SIPA1L3: variants seen among roughly 807,000 people sequenced by gnomAD.
The protein encoded by SIPA1L3 is signal-induced proliferation-associated 1-like protein 3.
In SIPA1L3, 59 loss-of-function variants were observed where a neutral mutation model predicts 150.1. The observed-to-expected ratio is 0.39, with a 90% confidence interval of 0.32 to 0.49. The LOEUF is 0.49. SIPA1L3 is among the 20% of genes least tolerant of loss of function. The probability of loss-of-function intolerance (pLI) is 0.86; values close to 1 mark genes in which losing one functional copy is unlikely to be tolerated. For synonymous variants in SIPA1L3, 1,070 were observed against 1,077.6 expected, an observed-to-expected ratio of 0.99 and a Z score of 0.14; for missense variants, 2,211 against 2,489.5, an observed-to-expected ratio of 0.89 and a Z score of 2.38.
intron 2 of SIPA1L3, among the ~76,000 whole-genome samples, chr19:38,080,369 T>C (rs934712103): frequency 2.0e-5 from 3 of 152,098 alleles, no homozygotes; most frequent in Non-Finnish European, 4.4e-5. Flanking sequence ...ATCCTGAAAG[T>C]GGGGAAATCC....
chr19:38,081,754 C>A lies in SIPA1L3; in HGVS notation c.189C>A (p.Ala63=). 6.2e-7 allele frequency: 1 copy of A among 1,603,608 alleles called. No individual in the cohort carries two copies. ...SPATATATAT[A]TTRPSPTTPA... ...CCACCGCCACCGCCACCGCCACCGC[C>A]ACCACCCGCCCCAGCCCCACCACTC... Residue 63 remains alanine (A), a synonymous_variant, in exon 3 of 22, where the codon GCC becomes GCA. Coordinates refer to ENST00000222345, the MANE Select transcript of SIPA1L3 (RefSeq NM_015073.3).
At chr19:38,155,365 C>A (rs765356064) in intron 13 of SIPA1L3, among the ~76,000 whole-genome samples, 2 of 152,188 alleles carry the variant, frequency 1.3e-5, no homozygotes, top group African/African-American at 2.4e-5. Flanking sequence ...CGCGAGCCAC[C>A]GCACCCGGCT....
intron 2 of SIPA1L3, among the ~76,000 whole-genome samples, chr19:38,052,247 C>T (rs1312414707): frequency 1.3e-5 from 2 of 152,142 alleles, no homozygotes; most frequent in Non-Finnish European, 2.9e-5. Context: ...GTTGGGAAAA[C>T]AGAATCCACT....
At chr19:37,969,915 T>C (rs1331897410) in intron 1 of SIPA1L3, among the ~76,000 whole-genome samples, 1 of 152,222 alleles carries the variant, frequency 6.6e-6, no homozygotes, top group African/African-American at 2.4e-5. Flanking sequence ...ACGTTATGTT[T>C]GTCTTTACAT....
rs1333762281 is a variant in SIPA1L3, at chr19:38,110,309, A to G, written c.2216A>G (p.Asn739Ser). ...GGCGCGCTACCGTTCACCCCCAAGA[A>G]CATCCGCTCCCACTTCCAGCACGTC... ...EPGALPFTPK[N>S]IRSHFQHVFI... The change falls in exon 8 of 22, where the codon AAC becomes AGC. Residue 739 changes from asparagine to serine, a missense_variant. By Grantham distance (46) the Asn-to-Ser change is conservative. This residue lies in a region of SIPA1L3 where 625 missense variants were observed against 804.2 expected (regional missense o/e 0.78). Transcript: ENST00000222345. 1.2e-6 allele frequency: 2 copies of G among 1,614,068 alleles called. No homozygotes were observed. Among genetic ancestry groups the G allele is most frequent in the Admixed American group, 3.3e-5 (2 of 60,006 alleles).
At chr19:38,101,650 A>T (rs939864883) in intron 6 of SIPA1L3, among the ~76,000 whole-genome samples, 1 of 152,134 alleles carries the variant, frequency 6.6e-6, no homozygotes, top group Admixed American at 6.6e-5. Context: ...ACCTCAAGTG[A>T]TCCACCCACC....
intron 9 of SIPA1L3, among the ~76,000 whole-genome samples, chr19:38,123,615 A>G (rs1424980153): frequency 6.6e-6 from 1 of 151,480 alleles, no homozygotes; most frequent in Non-Finnish European, 1.5e-5. Context: ...CCAAGGCCGA[A>G]GAATTTTTCT....
intron 1 of SIPA1L3, among the ~76,000 whole-genome samples, chr19:38,007,336 C>A (rs761192239): frequency 6.6e-6 from 1 of 151,752 alleles, no homozygotes; most frequent in Non-Finnish European, 1.5e-5. Context: ...ACCTGTAATC[C>A]CAGCTACTCT....
intron 3 of SIPA1L3, among the ~76,000 whole-genome samples, chr19:38,085,435 G>A (rs573728549): frequency 4.7e-5 from 7 of 147,760 alleles, no homozygotes; most frequent in Admixed American, 3.4e-4. Context: ...AGCCGAGATC[G>A]CGCCACTGCG....
At chr19:37,987,128 A>G (rs1459638246) in intron 1 of SIPA1L3, among the ~76,000 whole-genome samples, 1 of 151,944 alleles carries the variant, frequency 6.6e-6, no homozygotes, top group Non-Finnish European at 1.5e-5. Flanking sequence ...GGGTTTCACC[A>G]TGTTGGCCAG....
chr19:38,089,699 T>C (rs1970219431), intron 4 of SIPA1L3, among the ~76,000 whole-genome samples: 1 of 152,256 alleles, frequency 6.6e-6, no homozygotes, highest in Admixed American at 6.5e-5. Context: ...CTGGATTAAA[T>C]GTCAACTGTA....
chr19:37,993,853 G>T (rs763767302), intron 1 of SIPA1L3, among the ~76,000 whole-genome samples: 2 of 152,152 alleles, frequency 1.3e-5, no homozygotes, highest in Non-Finnish European at 2.9e-5. Context: ...TTTAATAGCT[G>T]TACTTTTATT....
intron 10 of SIPA1L3, among the ~76,000 whole-genome samples, chr19:38,135,090 C>T (rs930210465): frequency 3.3e-5 from 5 of 152,162 alleles, no homozygotes; most frequent in Non-Finnish European, 5.9e-5. Flanking sequence ...AGCAGCAAAG[C>T]AAAATTCAAA....
chr19:37,995,208 A>T (rs989415268), intron 1 of SIPA1L3, among the ~76,000 whole-genome samples: 46 of 152,278 alleles, frequency 3.0e-4, no homozygotes, highest in Middle Eastern at 3.4e-3. Context: ...GCTGCAAGGG[A>T]GGCTGGGGCA....
chr19:38,123,999 C>A (rs1281236425), intron 9 of SIPA1L3, among the ~76,000 whole-genome samples: 2 of 139,426 alleles, frequency 1.4e-5, no homozygotes, highest in African/African-American at 5.4e-5. Context: ...CCCTCCCGGA[C>A]GGGGCGGATG....
chr19:38,134,444 C>T (rs1269338068), intron 10 of SIPA1L3, among the ~76,000 whole-genome samples: 3 of 139,856 alleles, frequency 2.1e-5, no homozygotes, highest in Admixed American at 1.5e-4. Flanking sequence ...CTTGGTGGCT[C>T]ATGCCTGTAA....
At chr19:38,195,802 G>GCCCCCCCCCC (rs976090881) in intron 18 of SIPA1L3, among the ~76,000 whole-genome samples, 8 of 20,246 alleles carry the variant, frequency 4.0e-4, no homozygotes, top group Non-Finnish European at 5.1e-4. Context: ...GTCCCCCCCC[G>GCCCCCCCCCC]CCCCCCCGGG....
At chr19:37,975,276 C>T (rs568520911) in intron 1 of SIPA1L3, among the ~76,000 whole-genome samples, 82 of 152,266 alleles carry the variant, frequency 5.4e-4, no homozygotes, top group Non-Finnish European at 1.0e-3. Context: ...GGGCCTGACC[C>T]GGGGACCAGG....
chr19:37,983,905 CAAAA>C (rs397859822), intron 1 of SIPA1L3, among the ~76,000 whole-genome samples: 6 of 75,846 alleles, frequency 7.9e-5, no homozygotes, highest in Non-Finnish European at 1.3e-4. Flanking sequence ...GACCCCATCT[CAAAA>C]AAAAAAAAAA....
Sources: gnomAD v4.1 joint callset for allele counts (sites outside exome capture counted in the v4.1 genomes callset) on GRCh38, gnomAD v4.1.1 for gene constraint, gnomAD v4.1.1 regional missense constraint, MANE v1.5 for transcripts, NCBI Gene and HGNC (gene_info 2026-07-23, HGNC 2026-07-21) for gene names.